The following FOCAD variants were observed in gnomAD, a reference collection of about 807,000 sequenced individuals.
FOCAD encodes focadhesin, also known as KIAA1797.
FOCAD carries 198 observed loss-of-function variants against 225.6 expected under a neutral mutation model. The observed-to-expected ratio is 0.88, with a 90% CI of 0.78 to 0.99. The LOEUF is 0.99. FOCAD is among the 50% of genes least tolerant of loss of function. The pLI is 0.00. For synonymous variants in FOCAD, 897 were observed against 755.0 expected, an observed-to-expected ratio of 1.19 and a Z score of -3.08; for missense variants, 2,713 against 2,123.6, an observed-to-expected ratio of 1.28 and a Z score of -5.46.
At chr9:20,731,635 GAC>G (rs1383455192) in intron 4 of FOCAD, among the ~76,000 whole-genome samples, 1 of 151,894 alleles carries the variant, frequency 6.6e-6, no homozygotes, top group Non-Finnish European at 1.5e-5. Context: ...GTATTTTTTT[GAC>G]ACAGAGTTTC....
chr9:20,799,567 C>T (rs2131270716), intron 11 of FOCAD, among the ~76,000 whole-genome samples: 1 of 152,280 alleles, frequency 6.6e-6, no homozygotes, highest in South Asian at 2.1e-4. Context: ...ATAGTCAGCT[C>T]TTCTTATTGA....
chr9:20,786,379 G>A (rs1269476820), intron 10 of FOCAD, among the ~76,000 whole-genome samples: 2 of 152,140 alleles, frequency 1.3e-5, no homozygotes, highest in Non-Finnish European at 1.5e-5. Context: ...AGCATGTTGT[G>A]TGTTATCTCT....
Position 20,995,769 on chromosome 9 carries a change from T to G in FOCAD, c.*140T>G. 1.6e-6 allele frequency: 1 copy of G among 641,778 alleles called. No homozygotes were observed. Among genetic ancestry groups the G allele is most frequent in the Non-Finnish European group, 2.7e-6 (1 of 375,364 alleles). 39.8% of individuals were successfully genotyped at this position (641,778 alleles called of 1,614,324 possible). On this transcript the variant is annotated 3_prime_UTR_variant, in exon 44 of 44. Coordinates refer to ENST00000338382, the MANE Select transcript of FOCAD (RefSeq NM_001375567.1). ...GGTCATGAAAAGATGGCCACATCACTGACAGCTTGACACATGCCTCCTAAG... is the reference window on the plus strand; with the variant it reads ...GGTCATGAAAAGATGGCCACATCACGGACAGCTTGACACATGCCTCCTAAG...
chr9:20,952,492 G>C (rs1043381175), intron 34 of FOCAD: 2 of 153,806 alleles, frequency 1.3e-5, no homozygotes, highest in Non-Finnish European at 2.9e-5. Context: ...GCACATGTTG[G>C]TCACTTACAG....
intron 30 of FOCAD, 41 bp from the exon 31 acceptor site, chr9:20,948,230 T>A (rs1238700647): frequency 1.9e-6 from 3 of 1,550,608 alleles, no homozygotes; most frequent in Admixed American, 4.0e-5. Context: ...TGTGTCTTTT[T>A]TTTTTCTTTT....
At chr9:20,888,572 G>A (rs1831326169) in intron 21 of FOCAD, among the ~76,000 whole-genome samples, 1 of 151,858 alleles carries the variant, frequency 6.6e-6, no homozygotes, top group South Asian at 2.1e-4. Context: ...TTTTTCCTGT[G>A]TTTTATTTTT....
At chr9:20,659,423 G>GA (rs113828761) in intron 2 of FOCAD, among the ~76,000 whole-genome samples, 1 of 18,216 alleles carries the variant, frequency 5.5e-5, no homozygotes, top group African/African-American at 6.6e-4. Context: ...GAGAAAGAAA[G>GA]GAGAAAGAAA....
At chr9:20,878,859 G>T (rs1830443392) in intron 19 of FOCAD, among the ~76,000 whole-genome samples, 1 of 152,136 alleles carries the variant, frequency 6.6e-6, no homozygotes, top group Non-Finnish European at 1.5e-5. Context: ...TCAGGACCCA[G>T]GGGGCTGCTG....
Position 20,781,711 on chromosome 9 carries a change from T to C in FOCAD, c.995-16T>C, listed in dbSNP as rs773492991. ...TATTAATTTTTAAAAATGTGCATTATTGTTTTGATGAATAGCTTTGAAGCT... is the reference window on the plus strand; with the variant it reads ...TATTAATTTTTAAAAATGTGCATTACTGTTTTGATGAATAGCTTTGAAGCT... On this transcript the variant is annotated splice_polypyrimidine_tract_variant and intron_variant, in intron 9 of 43. Transcript: ENST00000338382. The C allele has an allele frequency of 6.1e-5, 98 of 1,610,932 alleles. No homozygotes were observed. The highest frequency in any genetic ancestry group is 7.0e-5 in the Non-Finnish European group (83 of 1,178,506).
Position 20,764,978 on chromosome 9 carries a change from T to C in FOCAD, c.604T>C (p.Leu202=). The C allele has an allele frequency of 6.2e-7, 1 of 1,614,146 alleles. No homozygotes were observed. The highest frequency in any genetic ancestry group is 8.5e-7 in the Non-Finnish European group (1 of 1,180,004). ...ACTCCGACTAGCCCTGCTGAAAGTC[T>C]TACTTCAACCCCAGGTTCTTTGTGA... ...AKLRLALLKV[L]LQPQVLCDKD... Residue 202 remains leucine, a synonymous_variant, in exon 7 of 44, where the codon TTA becomes CTA. Coordinates refer to ENST00000338382, the MANE Select transcript of FOCAD (RefSeq NM_001375567.1).
chr9:20,682,977 C>A (rs1430251884), upstream of FOCAD, among the ~76,000 whole-genome samples: 1 of 152,156 alleles, frequency 6.6e-6, no homozygotes, highest in Non-Finnish European at 1.5e-5. Flanking sequence ...GATGGGGTTT[C>A]ACCACGTTGC....
At chr9:20,976,626 C>G in intron 36 of FOCAD, 78 bp downstream of exon 36, 1 of 1,449,256 alleles carries the variant, frequency 6.9e-7, no homozygotes, top group Non-Finnish European at 9.6e-7. Context: ...TTCTGTGTCA[C>G]AATGTGTAGT....
At chr9:20,816,389 A>T (rs1303313394) in intron 11 of FOCAD, among the ~76,000 whole-genome samples, 1 of 150,586 alleles carries the variant, frequency 6.6e-6, no homozygotes, top group African/African-American at 2.4e-5. Context: ...ATGGGAACTG[A>T]AAAGTCAGTT....
At chr9:20,936,364 G>A (rs1239667914) in intron 28 of FOCAD, among the ~76,000 whole-genome samples, 1 of 152,214 alleles carries the variant, frequency 6.6e-6, no homozygotes, top group Non-Finnish European at 1.5e-5. Flanking sequence ...TGATATGGTA[G>A]TGGTAGCTGC....
chr9:20,759,580 T>TAA (rs1160486192), intron 6 of FOCAD, among the ~76,000 whole-genome samples: 1 of 152,182 alleles, frequency 6.6e-6, no homozygotes, highest in Non-Finnish European at 1.5e-5. Context: ...ATTAAAGACT[T>TAA]ACATGTTAGA....
chr9:20,675,734 T>G (rs1822212718), intron 2 of FOCAD, among the ~76,000 whole-genome samples: 1 of 152,196 alleles, frequency 6.6e-6, no homozygotes, highest in African/African-American at 2.4e-5. Flanking sequence ...GAAAATAAAC[T>G]TGTTTCAGAC....
At position 20,695,569 on chromosome 9, in the gene FOCAD, T is replaced by A. The variant is rs1823302676; in HGVS notation, c.-33+11276T>A. 2.6e-5 allele frequency among the ~76,000 whole-genome samples: 4 copies of A among 152,174 alleles called. No homozygotes were observed. In the South Asian group the frequency reaches 8.3e-4, roughly 32 times the overall value. ...ACACGTACACAGTCTTCAGTACATG[T>A]TGAACATTTGACATAAAGCTTGTAA... On this transcript the variant is annotated intron_variant, in intron 1 of 43. Transcript: ENST00000338382.
intron 5 of FOCAD, among the ~76,000 whole-genome samples, chr9:20,757,257 G>A (rs185752946): frequency 6.6e-6 from 1 of 152,234 alleles, no homozygotes; most frequent in African/African-American, 2.4e-5. Flanking sequence ...TTTTCTTGGA[G>A]GAAAAAGCCA....
rs751117225 is a variant in FOCAD at position 20,951,072 on chromosome 9, T to C, written c.4025T>C (p.Leu1342Pro). 8 of 1,613,544 alleles carry C rather than the reference T, an allele frequency of 5.0e-6. No homozygotes were observed. The highest frequency in any genetic ancestry group is 6.8e-6 in the Non-Finnish European group (8 of 1,179,524). ...CTTGGACATCTTCATCTATCTACTCTATCCTCAAGTCAAAGTAGAGCCTCT... is the reference window on the plus strand; with the variant it reads ...CTTGGACATCTTCATCTATCTACTCCATCCTCAAGTCAAAGTAGAGCCTCT... ...WLLGHLHLST[L>P]SSSQSRASVP... The change falls in exon 34 of 44, where the codon CTA becomes CCA. Residue 1342 changes from leucine to proline, a missense_variant. Transcript: ENST00000338382.
Sources: allele counts gnomAD v4.1 joint callset (sites outside exome capture counted in the v4.1 genomes callset), GRCh38; gene constraint gnomAD v4.1.1; transcripts MANE v1.5; gene names NCBI Gene and HGNC (gene_info 2026-07-23, HGNC 2026-07-21).